The following SRPK2 variants were observed in gnomAD, a reference collection of about 807,000 sequenced individuals.
SRPK2 encodes SRSF protein kinase 2.
In SRPK2, 21 loss-of-function variants were observed where a neutral mutation model predicts 90.8. That is an observed-to-expected ratio of 0.23 (90% CI 0.16 to 0.33). The LOEUF (loss-of-function observed/expected upper bound fraction) is 0.33, where lower values mean the gene tolerates loss of function less well. Ranked by LOEUF, SRPK2 falls within the 10% of genes least tolerant of loss-of-function variation. The pLI is 1.00. For synonymous variants in SRPK2, 288 were observed against 311.1 expected (o/e 0.93, Z 0.78); for missense variants, 620 against 869.0 (o/e 0.71, Z 3.60).
chr7:105,323,248 T>C (rs1185821435), intron 2 of SRPK2, among the ~76,000 whole-genome samples: 1 of 152,160 alleles, frequency 6.6e-6, no homozygotes, highest in African/African-American at 2.4e-5. Context: ...ACATAAATAT[T>C]GAAATTTTAT....
intron 2 of SRPK2, chr7:105,244,903 A>G: frequency 6.8e-7 from 1 of 1,478,642 alleles, no homozygotes; most frequent in Admixed American, 1.8e-5. Flanking sequence ...ATCCGCGCCA[A>G]GAGGAAGCGG....
At chr7:105,396,502 G>T (rs1436721180) in intron 1 of SRPK2, among the ~76,000 whole-genome samples, 3 of 151,768 alleles carry the variant, frequency 2.0e-5, no homozygotes, top group Admixed American at 6.6e-5. Flanking sequence ...GTGGTGGCAG[G>T]TGCCTGTAGT....
chr7:105,228,888 C>G (rs1406834663), intron 2 of SRPK2, among the ~76,000 whole-genome samples: 1 of 152,226 alleles, frequency 6.6e-6, no homozygotes, highest in East Asian at 1.9e-4. Flanking sequence ...TGGAGAATGG[C>G]AGGCTGAGTA....
intron 2 of SRPK2, among the ~76,000 whole-genome samples, chr7:105,315,167 T>C (rs934612646): frequency 6.6e-6 from 1 of 152,162 alleles, no homozygotes; most frequent in Non-Finnish European, 1.5e-5. Flanking sequence ...ACCAAAATAT[T>C]ATCAAAGCCC....
rs758665252 is a variant in SRPK2, at chr7:105,170,993, AAG to A, written c.230-1730_230-1729del. Among the ~76,000 whole-genome samples the A allele has an allele frequency of 3.7e-4, 51 of 139,052 alleles. 5 individuals are homozygous for A. The highest frequency in any genetic ancestry group is 6.6e-4 in the African/African-American group (25 of 37,834). The allele number at this position is 139,052 out of a possible 152,430, so 91.2% of individuals were successfully genotyped here. On this transcript the variant is annotated intron_variant, in intron 3 of 15. Coordinates refer to ENST00000393651, the MANE Select transcript of SRPK2 (RefSeq NM_182692.3). ...AGAAAGAAAGAGAAAGAAAGAAAGA[AAG>A]AGAAAGAAAGAAAGAAAGAGAGGAA...
intron 3 of SRPK2, among the ~76,000 whole-genome samples, chr7:105,180,854 A>T (rs1390328550): frequency 6.6e-6 from 1 of 152,234 alleles, no homozygotes; most frequent in Non-Finnish European, 1.5e-5. Flanking sequence ...AAATGTCAAA[A>T]GCAATTGCAA....
chr7:105,258,203 G>A (rs1226583681), intron 2 of SRPK2, among the ~76,000 whole-genome samples: 2 of 150,330 alleles, frequency 1.3e-5, no homozygotes, highest in Admixed American at 1.3e-4. Context: ...CGGATCACGA[G>A]GTCCAGAGTC....
intron 3 of SRPK2, among the ~76,000 whole-genome samples, chr7:105,186,031 T>C (rs894669805): frequency 2.0e-5 from 3 of 152,244 alleles, no homozygotes; most frequent in Admixed American, 1.3e-4. Flanking sequence ...TTCTGGGCTA[T>C]GGGACGAATA....
At chr7:105,267,236 A>G (rs1805208567) in intron 2 of SRPK2, among the ~76,000 whole-genome samples, 1 of 151,892 alleles carries the variant, frequency 6.6e-6, no homozygotes, top group Non-Finnish European at 1.5e-5. Context: ...AACCTCATCC[A>G]CTCCTAATTT....
intron 2 of SRPK2, among the ~76,000 whole-genome samples, chr7:105,362,641 T>A (rs538221986): frequency 6.6e-6 from 1 of 152,056 alleles, no homozygotes; most frequent in African/African-American, 2.4e-5. Flanking sequence ...AGTGTGGTGA[T>A]TTCTCAAGGA....
intron 3 of SRPK2, among the ~76,000 whole-genome samples, chr7:105,190,608 C>T (rs1164439412): frequency 6.6e-6 from 1 of 152,152 alleles, no homozygotes; most frequent in African/African-American, 2.4e-5. Flanking sequence ...TGACATGAAT[C>T]ACAGAGTTTG....
At chr7:105,297,230 A>C (rs1414278172) in intron 2 of SRPK2, among the ~76,000 whole-genome samples, 1 of 152,186 alleles carries the variant, frequency 6.6e-6, no homozygotes, top group Non-Finnish European at 1.5e-5. Context: ...ATAAAGTAAA[A>C]ACAAGCTGTT....
intron 2 of SRPK2, among the ~76,000 whole-genome samples, chr7:105,350,265 G>A (rs1206927523): frequency 2.7e-5 from 4 of 148,238 alleles, no homozygotes; most frequent in Non-Finnish European, 6.0e-5. Context: ...CCGAGTAGCT[G>A]GGATTATAGG....
At chr7:105,304,892 G>C (rs1040376052) in intron 2 of SRPK2, among the ~76,000 whole-genome samples, 1 of 152,060 alleles carries the variant, frequency 6.6e-6, no homozygotes, top group Admixed American at 6.6e-5. Context: ...TTCACTAAAA[G>C]AAAGACTAAA....
rs1299996672 is a variant in SRPK2 at position 105,147,256 on chromosome 7, T to C, written c.622-598A>G. ...TCATGTATCATACAATTGACCCCTT[T>C]AGGTATACAATTCAATGGATTTTAG... On this transcript the variant is annotated intron_variant, in intron 7 of 15. Transcript: ENST00000393651. Among the ~76,000 whole-genome samples, 3 of 152,170 alleles carry C rather than the reference T, an allele frequency of 2.0e-5. No homozygotes were observed. The East Asian group carries it at 5.8e-4, about 29-fold the overall frequency.
chr7:105,356,890 G>C (rs1221622391), intron 2 of SRPK2, among the ~76,000 whole-genome samples: 1 of 152,110 alleles, frequency 6.6e-6, no homozygotes, highest in Non-Finnish European at 1.5e-5. Context: ...GAGACAGCTA[G>C]TACTCCCAAA....
chr7:105,224,449 A>T (rs1472604942), intron 2 of SRPK2, among the ~76,000 whole-genome samples: 1 of 152,054 alleles, frequency 6.6e-6, no homozygotes, highest in Non-Finnish European at 1.5e-5. Context: ...GTCTCTACTA[A>T]AAATACAAAA....
intron 15 of SRPK2, among the ~76,000 whole-genome samples, chr7:105,120,739 A>ATGAT (rs1170967785): frequency 6.6e-6 from 1 of 152,184 alleles, no homozygotes; most frequent in African/African-American, 2.4e-5. Flanking sequence ...AGATGCTATA[A>ATGAT]TGATTATGTG....
At chr7:105,208,748 A>G (rs1396286367) in intron 2 of SRPK2, among the ~76,000 whole-genome samples, 2 of 152,236 alleles carry the variant, frequency 1.3e-5, no homozygotes, top group African/African-American at 2.4e-5. Context: ...TTCTGTGAAC[A>G]TAATAAAAAA....
Sources: gnomAD v4.1 joint callset for allele counts (sites outside exome capture counted in the v4.1 genomes callset) on GRCh38, gnomAD v4.1.1 for gene constraint, MANE v1.5 for transcripts, NCBI Gene and HGNC (gene_info 2026-07-23, HGNC 2026-07-21) for gene names.